The following GNA12 variants were observed in gnomAD, a reference collection of about 807,000 sequenced individuals.
The protein encoded by GNA12 is guanine nucleotide-binding protein subunit alpha-12.
In GNA12, 9 loss-of-function variants were observed where a neutral mutation model predicts 26.0. The ratio of observed to expected loss-of-function variants is 0.35; its 90% CI spans 0.21 to 0.60. GNA12 has a LOEUF of 0.60. GNA12 is among the 20% of genes least tolerant of loss of function. The pLI is 0.78. For missense variants in GNA12, 405 were observed against 525.8 expected (o/e 0.77, Z 2.25); for synonymous variants, 264 against 219.6 (o/e 1.20, Z -1.79).
At chr7:2,781,577 A>T (rs1373568852) in intron 2 of GNA12, among the ~76,000 whole-genome samples, 1 of 152,206 alleles carries the variant, frequency 6.6e-6, no homozygotes, top group African/African-American at 2.4e-5. Context: ...AGAAAGGGCT[A>T]GCAAACTTTT....
intron 1 of GNA12, among the ~76,000 whole-genome samples, chr7:2,811,554 TA>T (rs1397117813): frequency 2.0e-5 from 3 of 152,218 alleles, no homozygotes; most frequent in African/African-American, 7.2e-5. Flanking sequence ...ATAGACTTCT[TA>T]AAAAATCATT....
chr7:2,753,390 A>G (rs1382139187), intron 2 of GNA12, among the ~76,000 whole-genome samples: 1 of 68,158 alleles, frequency 1.5e-5, no homozygotes, highest in Non-Finnish European at 3.6e-5. Flanking sequence ...GGCTCAAGCC[A>G]TCCTCCCAAA....
At chr7:2,740,369 C>A (rs986662861) in intron 2 of GNA12, among the ~76,000 whole-genome samples, 6 of 152,090 alleles carry the variant, frequency 3.9e-5, no homozygotes, top group Non-Finnish European at 7.4e-5. Flanking sequence ...TAAGAAGAGA[C>A]CGGAGAGCTC....
At chr7:2,773,624 T>C (rs1318702517) in intron 2 of GNA12, among the ~76,000 whole-genome samples, 6 of 152,038 alleles carry the variant, frequency 3.9e-5, no homozygotes, top group Non-Finnish European at 7.4e-5. Flanking sequence ...GAATGGCTAT[T>C]TGAAAAAGAG....
At chr7:2,740,458 C>T (rs975277016) in intron 2 of GNA12, among the ~76,000 whole-genome samples, 15 of 152,182 alleles carry the variant, frequency 9.9e-5, no homozygotes, top group African/African-American at 3.6e-4. Context: ...GACAGCCCTC[C>T]CTCACCAGAA....
intron 2 of GNA12, among the ~76,000 whole-genome samples, chr7:2,741,526 C>A (rs1790503504): frequency 6.6e-6 from 1 of 152,132 alleles, no homozygotes; most frequent in South Asian, 2.1e-4. Flanking sequence ...CAGCAGAATT[C>A]CAGCCTTTGT....
chr7:2,733,875 T>C lies in GNA12; in HGVS notation c.526-374A>G, dbSNP rs531271623. Among the ~76,000 whole-genome samples the C allele has an allele frequency of 1.4e-3, 209 of 152,346 alleles. 2 individuals are homozygous for C. The highest frequency in any genetic ancestry group is 4.6e-3 in the African/African-American group (191 of 41,576). ...CAGGCTAGAATAGGATTTTAGATTT[T>C]GGCTCCTGGGTACAGTCTTGCTTCT... On this transcript the variant is annotated intron_variant, in intron 2 of 3. Transcript: ENST00000275364.
At chr7:2,765,875 G>GCCCCCCCC (rs71026552) in intron 2 of GNA12, among the ~76,000 whole-genome samples, 2 of 147,840 alleles carry the variant, frequency 1.4e-5, no homozygotes, top group Non-Finnish European at 1.5e-5. Context: ...GTGATCCAGG[G>GCCCCCCCC]CCCCCCTCCC....
intron 3 of GNA12, 27 bp downstream of exon 3, chr7:2,733,424 C>T: frequency 3.1e-6 from 5 of 1,608,804 alleles, no homozygotes; most frequent in Non-Finnish European, 4.3e-6. Flanking sequence ...TGGAGCCCAG[C>T]TTCTTCGGGC....
At chr7:2,738,758 T>G (rs1413620940) in intron 2 of GNA12, among the ~76,000 whole-genome samples, 1 of 152,160 alleles carries the variant, frequency 6.6e-6, no homozygotes, top group Non-Finnish European at 1.5e-5. Context: ...GAACCCAAAT[T>G]AAAGCAAATG....
intron 2 of GNA12, among the ~76,000 whole-genome samples, chr7:2,752,312 T>G (rs1214762698): frequency 6.6e-6 from 1 of 152,218 alleles, no homozygotes; most frequent in Non-Finnish European, 1.5e-5. Flanking sequence ...AGGGCATCTA[T>G]GAAAACCATG....
rs763344460 is a variant in GNA12, at chr7:2,814,264, G to C, written c.310-19121C>G. 6 of 929,410 alleles carry C rather than the reference G, an allele frequency of 6.5e-6. No homozygotes were observed. The South Asian group carries it at 7.7e-5, about 12-fold the overall frequency. 57.6% of individuals were successfully genotyped at this position (929,410 alleles called of 1,614,324 possible). On this transcript the variant is annotated intron_variant, in intron 1 of 3. Coordinates refer to ENST00000275364, the MANE Select transcript of GNA12 (RefSeq NM_007353.3). ...TGTGCTTCTTTGGAGAATCCTGACT[G>C]AGATCAGGGAGATCTGTGGCCGAGG...
At position 2,797,761 on chromosome 7, in the gene GNA12, T is replaced by A. The variant is rs78945969; in HGVS notation, c.310-2618A>T. Among the ~76,000 whole-genome samples the A allele has an allele frequency of 9.6e-3, 1,466 of 152,228 alleles. 10 individuals carry two copies. The highest frequency in any genetic ancestry group is 0.075 in the Middle Eastern group (22 of 294). On this transcript the variant is annotated intron_variant, in intron 1 of 3. Transcript: ENST00000275364. ...CGGTCTGGTTAGAGATGCTCCCTGA[T>A]TTTCCCCTCAGGACCTTGTCTGTCT...
At chr7:2,829,141 C>T (rs1029511433) in intron 1 of GNA12, among the ~76,000 whole-genome samples, 9 of 152,070 alleles carry the variant, frequency 5.9e-5, no homozygotes, top group Non-Finnish European at 1.2e-4. Context: ...AAGGGCTCAC[C>T]TCCATGAGAG....
intron 2 of GNA12, among the ~76,000 whole-genome samples, chr7:2,739,640 T>C (rs1033486634): frequency 1.3e-5 from 2 of 152,216 alleles, no homozygotes; most frequent in African/African-American, 4.8e-5. Context: ...ATTTCTTGAG[T>C]ATACACCTAG....
chr7:2,751,483 G>C (rs890985197), intron 2 of GNA12, among the ~76,000 whole-genome samples: 17 of 149,808 alleles, frequency 1.1e-4, no homozygotes, highest in Admixed American at 2.0e-4. Context: ...GCTTAATGAA[G>C]AGCTCTTTAA....
In GNA12 at chr7:2,780,048, G is replaced by GTGTATATATATATATATATATA. The variant is rs748113158; in HGVS notation, c.525+14879_525+14880insTATATATATATATATATATACA. On this transcript the variant is annotated intron_variant, in intron 2 of 3. Coordinates refer to ENST00000275364, the MANE Select transcript of GNA12 (RefSeq NM_007353.3). ...GTACTAGTTTTTTACACATTTCTGT[G>GTGTATATATATATATATATATA]TACATATATATATATATATATATAT... Among the ~76,000 whole-genome samples the GTGTATATATATATATATATATA allele has an allele frequency of 5.9e-4, 50 of 84,704 alleles. 4 individuals carry two copies. Among genetic ancestry groups the GTGTATATATATATATATATATA allele is most frequent in the Admixed American group, 1.6e-3 (14 of 8,576 alleles). 55.6% of individuals were successfully genotyped at this position (84,704 alleles called of 152,430 possible). A position where few individuals can be genotyped will look rare whatever the true frequency, so the allele number is the denominator to read the frequency against.
At position 2,769,322 on chromosome 7, in the gene GNA12, T is replaced by C. The variant is rs1032342885; in HGVS notation, c.525+25606A>G. ...TTAATTTCTGCTACTACCATCAACA[T>C]TGCAGAAACCATCCTCATGCACACC... On this transcript the variant is annotated intron_variant, in intron 2 of 3. Coordinates refer to ENST00000275364, the MANE Select transcript of GNA12 (RefSeq NM_007353.3). Among the ~76,000 whole-genome samples, 10 of 152,238 alleles carry C rather than the reference T, an allele frequency of 6.6e-5. 1 individual carries two copies. The highest frequency in any genetic ancestry group is 3.3e-4 in the Admixed American group (5 of 15,288).
At chr7:2,843,699 T>C (rs1159177624) in intron 1 of GNA12, among the ~76,000 whole-genome samples, 154 bp downstream of exon 1, 1 of 87,500 alleles carries the variant, frequency 1.1e-5, no homozygotes, top group South Asian at 4.0e-4. Flanking sequence ...CCTCGGGGAA[T>C]GGGTCGGGGG....
Sources: allele counts gnomAD v4.1 joint callset (sites outside exome capture counted in the v4.1 genomes callset), GRCh38; gene constraint gnomAD v4.1.1; transcripts MANE v1.5; gene names NCBI Gene and HGNC (gene_info 2026-07-23, HGNC 2026-07-21).